The following RIMBP2 variants were observed in gnomAD, a reference collection of about 807,000 sequenced individuals.
The protein encoded by RIMBP2 is RIMS binding protein 2.
RIMBP2 carries 48 observed loss-of-function variants against 118.6 expected under a neutral mutation model. That is an observed-to-expected ratio of 0.40 (90% CI 0.32 to 0.51). The LOEUF (loss-of-function observed/expected upper bound fraction) is 0.51, where lower values mean the gene tolerates loss of function less well. Among genes scored for constraint, RIMBP2 ranks in the 20% least tolerant of loss-of-function variants. The probability of loss-of-function intolerance (pLI) is 0.41; values close to 1 mark genes in which losing one functional copy is unlikely to be tolerated. For synonymous variants in RIMBP2, 762 were observed against 742.9 expected, an observed-to-expected ratio of 1.03 and a Z score of -0.42; for missense variants, 1,551 against 1,768.3, an observed-to-expected ratio of 0.88 and a Z score of 2.20.
chr12:130,627,796 C>T (rs887754553), intron 2 of RIMBP2, among the ~76,000 whole-genome samples: 4 of 152,184 alleles, frequency 2.6e-5, no homozygotes, highest in African/African-American at 9.6e-5. Flanking sequence ...ATGACCCTCA[C>T]GTCCACTACC....
chr12:130,525,896 G>A lies in RIMBP2; in HGVS notation c.-216-7979C>T, dbSNP rs1278995475. ...TCAAGGGAAGAAATTCAAGCTCAAGGAGGTTAAGTAACTGAGCGAGCAGCC... is the reference window on the plus strand; with the variant it reads ...TCAAGGGAAGAAATTCAAGCTCAAGAAGGTTAAGTAACTGAGCGAGCAGCC... On this transcript the variant is annotated intron_variant, in intron 2 of 22. Coordinates refer to ENST00000690449, the MANE Select transcript of RIMBP2 (RefSeq NM_001393629.1). This position sits in a 1 kb window ranked among gnomAD's most constrained non-coding sequence, Gnocchi z 4.4. Among the ~76,000 whole-genome samples, 1 of 152,122 alleles carries A rather than the reference G, an allele frequency of 6.6e-6. No homozygotes were observed. Among genetic ancestry groups the A allele is most frequent in the Non-Finnish European group, 1.5e-5 (1 of 68,022 alleles).
chr12:130,715,402 G>A (rs1453290644), intron 1 of RIMBP2, among the ~76,000 whole-genome samples: 5 of 152,098 alleles, frequency 3.3e-5, no homozygotes, highest in Non-Finnish European at 5.9e-5. Context: ...GCTCCCCGGG[G>A]ACAGGAGGGA....
At chr12:130,427,117 G>A (rs572510170) in intron 15 of RIMBP2, 3 of 152,412 alleles carry the variant, frequency 2.0e-5, no homozygotes, top group South Asian at 4.1e-4. Context: ...TTTGCCAGGA[G>A]AACATAAGTC....
rs1248215367 is a variant in RIMBP2 at position 130,406,253 on chromosome 12, T to C, written c.3694-10A>G. 4 of 1,582,004 alleles carry C rather than the reference T, an allele frequency of 2.5e-6. No individual in the cohort carries two copies. The highest frequency in any genetic ancestry group is 3.5e-6 in the Non-Finnish European group (4 of 1,156,468). ...AAAATGTAAGTTCGGCCTGTGGAGA[T>C]GAAACATAAAATTAATCGTATTTTT... On this transcript the variant is annotated splice_polypyrimidine_tract_variant and intron_variant, in intron 20 of 22. Transcript: ENST00000690449.
At chr12:130,554,112 AAGAG>A (rs1198501708) in intron 2 of RIMBP2, among the ~76,000 whole-genome samples, 4 of 152,228 alleles carry the variant, frequency 2.6e-5, no homozygotes, top group African/African-American at 9.6e-5. Context: ...ATAGACAAAA[AAGAG>A]AGAGAAAGCA....
At chr12:130,580,310 G>T (rs1262569785) in intron 2 of RIMBP2, among the ~76,000 whole-genome samples, 1 of 152,208 alleles carries the variant, frequency 6.6e-6, no homozygotes, top group Non-Finnish European at 1.5e-5. Flanking sequence ...AGGTGGAGAT[G>T]ATTGAATCAT....
intron 2 of RIMBP2, among the ~76,000 whole-genome samples, chr12:130,580,036 A>AAT (rs1321567303): frequency 6.7e-6 from 1 of 150,306 alleles, no homozygotes; most frequent in Non-Finnish European, 1.5e-5. Context: ...TACAAAAAAA[A>AAT]AAAAAAAAAA....
At chr12:130,587,832 A>AAAAAAAAAAAG (rs933908727) in intron 2 of RIMBP2, among the ~76,000 whole-genome samples, 1 of 149,272 alleles carries the variant, frequency 6.7e-6, no homozygotes, top group Non-Finnish European at 1.5e-5. Flanking sequence ...AGTATAATAA[A>AAAAAAAAAAAG]AAAAAAAAAA....
intron 2 of RIMBP2, among the ~76,000 whole-genome samples, chr12:130,551,732 C>A (rs996039272): frequency 1.3e-5 from 2 of 152,142 alleles, no homozygotes; most frequent in African/African-American, 4.8e-5. Context: ...GAAGGGACTC[C>A]ATCTGTAATG....
chr12:130,656,699 T>A (rs1300884338), intron 1 of RIMBP2, among the ~76,000 whole-genome samples: 1 of 152,098 alleles, frequency 6.6e-6, no homozygotes, highest in Admixed American at 6.5e-5. Context: ...TTCCCCTTTC[T>A]AAAATTTTTA....
rs536254626 is a variant in RIMBP2, at chr12:130,617,589, C to T, written c.-217+10733G>A. 1.5e-4 allele frequency among the ~76,000 whole-genome samples: 23 copies of T among 152,318 alleles called. No individual in the cohort carries two copies. Among genetic ancestry groups the T allele is most frequent in the Admixed American group, 9.1e-4 (14 of 15,308 alleles). ...GGAGGTATTGAGAAGGGCCTGGAGGCGGCCTTTCCTTTAGCAAAGGTGGGC... is the reference window on the plus strand; with the variant it reads ...GGAGGTATTGAGAAGGGCCTGGAGGTGGCCTTTCCTTTAGCAAAGGTGGGC... On this transcript the variant is annotated intron_variant, in intron 2 of 22. Transcript: ENST00000690449. This position sits in a 1 kb window ranked among gnomAD's most constrained non-coding sequence, Gnocchi z 4.6.
At chr12:130,438,335 A>ACCGGG in intron 12 of RIMBP2, 30 bp downstream of exon 12, 2 of 865,012 alleles carry the variant, frequency 2.3e-6, no homozygotes, top group East Asian at 2.8e-5. Flanking sequence ...GGCCTAACAA[A>ACCGGG]CCCTCCCCAC....
At chr12:130,528,237 C>T (rs1024473733) in intron 2 of RIMBP2, among the ~76,000 whole-genome samples, 1 of 152,094 alleles carries the variant, frequency 6.6e-6, no homozygotes, top group Non-Finnish European at 1.5e-5. Context: ...AAACATGGTA[C>T]GTATACACCA....
chr12:130,658,526 A>G (rs1461965162), intron 1 of RIMBP2: 3 of 152,274 alleles, frequency 2.0e-5, no homozygotes, highest in Non-Finnish European at 2.9e-5. Flanking sequence ...GACCAGGAGC[A>G]TCATATTTCA....
chr12:130,686,831 C>T (rs2065071147), intron 1 of RIMBP2, among the ~76,000 whole-genome samples: 2 of 152,044 alleles, frequency 1.3e-5, no homozygotes, highest in Non-Finnish European at 2.9e-5. Context: ...GGTGTCGAGG[C>T]GGGAAGGGGA....
Position 130,442,346 on chromosome 12 carries a change from G to C in RIMBP2, c.1006C>G (p.Pro336Ala). Reference sequence around the variant, plus strand: ...CCCCATCCTGGTGGCACCGCCGGGGGCTCCCAGCCCACAATAACACTTTTG... The same window carrying C: ...CCCCATCCTGGTGGCACCGCCGGGGCCTCCCAGCCCACAATAACACTTTTG... ...LAKSVIVGWE[P>A]PAVPPGWGTV... The change falls in exon 11 of 23, where the codon CCC (proline) becomes GCC (alanine). Residue 336 changes from proline (P) to alanine (A), a missense_variant. Around this residue, in one of 5 missense-constraint regions of RIMBP2, gnomAD observed 265 missense variants for 349.5 expected, o/e 0.76. Transcript: ENST00000690449. The surrounding 1 kb of genome is among the most constrained non-coding windows in gnomAD (Gnocchi z 6.9). 1 of 1,614,210 alleles carries C rather than the reference G, an allele frequency of 6.2e-7. No individual in the cohort carries two copies. The highest frequency in any genetic ancestry group is 1.7e-5 in the Admixed American group (1 of 60,038).
intron 5 of RIMBP2, among the ~76,000 whole-genome samples, chr12:130,472,627 A>C (rs1191128829): frequency 1.3e-5 from 2 of 152,230 alleles, no homozygotes; most frequent in Non-Finnish European, 2.9e-5. Flanking sequence ...TGGACGATTC[A>C]ACATCATAAA....
At position 130,623,761 on chromosome 12, in the gene RIMBP2, C is replaced by G. The variant is rs750697388; in HGVS notation, c.-217+4561G>C. Among the ~76,000 whole-genome samples, 3 of 152,186 alleles carry G rather than the reference C, an allele frequency of 2.0e-5. No homozygotes were observed. The highest frequency in any genetic ancestry group is 4.4e-5 in the Non-Finnish European group (3 of 68,050). Reference sequence around the variant, plus strand: ...GGGCAAGCAAGACATGCTGGAGCCTCCATGCACCTGCAAGACCGCCTCAGC... The same window carrying G: ...GGGCAAGCAAGACATGCTGGAGCCTGCATGCACCTGCAAGACCGCCTCAGC... On this transcript the variant is annotated intron_variant, in intron 2 of 22. Coordinates refer to ENST00000690449, the MANE Select transcript of RIMBP2 (RefSeq NM_001393629.1). This position sits in a 1 kb window ranked among gnomAD's most constrained non-coding sequence, Gnocchi z 4.1.
chr12:130,469,269 C>G lies in RIMBP2; in HGVS notation c.153+1424G>C, dbSNP rs766874641. On this transcript the variant is annotated intron_variant, in intron 6 of 22. Transcript: ENST00000690449. The surrounding 1 kb of genome is among the most constrained non-coding windows in gnomAD (Gnocchi z 4.8). ...TTGCCTTGTTTTTCGAACCAAAGCA[C>G]GCTGCGTTGCGACCGTCACCACATT... 2.6e-5 allele frequency: 4 copies of G among 152,454 alleles called. No individual in the cohort carries two copies. The highest frequency in any genetic ancestry group is 9.7e-5 in the African/African-American group (4 of 41,424). The allele number at this position is 152,454 out of a possible 1,614,324, so 9.4% of individuals were successfully genotyped here.
Sources: gnomAD v4.1 joint callset for allele counts (sites outside exome capture counted in the v4.1 genomes callset) on GRCh38, gnomAD v4.1.1 for gene constraint, gnomAD v4.1.1 regional missense constraint, Gnocchi (gnomAD v3.1) non-coding constraint, MANE v1.5 for transcripts, NCBI Gene and HGNC (gene_info 2026-07-23, HGNC 2026-07-21) for gene names.